USP45: variants seen among roughly 807,000 people sequenced by gnomAD.
USP45 encodes the protein ubiquitin specific peptidase 45.
A neutral mutation model predicts 95.8 loss-of-function variants in USP45; 89 were observed. That is an observed-to-expected ratio of 0.93 (90% confidence interval 0.78 to 1.11). The LOEUF is 1.11. Ranked by LOEUF, USP45 falls within the 50% of genes least tolerant of loss-of-function variation. USP45 has a pLI of 0.00. For synonymous variants in USP45, 281 were observed against 316.2 expected, an observed-to-expected ratio of 0.89 and a Z score of 1.18; for missense variants, 898 against 942.5, an observed-to-expected ratio of 0.95 and a Z score of 0.62.
At chr6:99,501,432 C>T (rs1583422768) in intron 5 of USP45, among the ~76,000 whole-genome samples, 1 of 152,306 alleles carries the variant, frequency 6.6e-6, no homozygotes, top group East Asian at 1.9e-4. Context: ...CTCGTAACTT[C>T]ATCTCTTTGC....
intron 5 of USP45, among the ~76,000 whole-genome samples, chr6:99,494,925 T>C (rs1287524861): frequency 6.6e-6 from 1 of 151,916 alleles, no homozygotes; most frequent in Non-Finnish European, 1.5e-5. Context: ...TTCAAGGATA[T>C]TAAATCATAA....
chr6:99,464,825 C>A, intron 12 of USP45, 78 bp from the exon 13 acceptor site: 1 of 1,434,656 alleles, frequency 7.0e-7, no homozygotes, highest in Non-Finnish European at 9.3e-7. Context: ...AAATTTTTGA[C>A]TGACTTGAAA....
At chr6:99,506,989 T>G (rs1798670741) in intron 4 of USP45, among the ~76,000 whole-genome samples, 2 of 152,226 alleles carry the variant, frequency 1.3e-5, no homozygotes, top group South Asian at 2.1e-4. Context: ...GCATATTGCC[T>G]GAGCTCAGGA....
rs1246429197 is a variant in USP45, at chr6:99,451,074, T to A, written c.1309-4611A>T. ...CTATCTATGACAAACCCACAGCCAA[T>A]ATCATACTGAATGGGCAAAAACTGG... is the stretch of plus-strand genomic sequence containing the variant. On this transcript the variant is annotated intron_variant, in intron 13 of 17. Coordinates refer to ENST00000500704, the MANE Select transcript of USP45 (RefSeq NM_001346022.3). Among the ~76,000 whole-genome samples the A allele has an allele frequency of 2.6e-5, 4 of 152,264 alleles. No homozygotes were observed. In the East Asian group the frequency reaches 7.7e-4, roughly 29 times the overall value.
At chr6:99,437,164 T>C in intron 17 of USP45, 82 bp downstream of exon 17, 1 of 1,400,574 alleles carries the variant, frequency 7.1e-7, no homozygotes, top group Admixed American at 2.3e-5. Context: ...GAGGCATCTA[T>C]GAAATAATAA....
At chr6:99,469,749 C>G (rs1344182303) in intron 9 of USP45, among the ~76,000 whole-genome samples, 1 of 151,792 alleles carries the variant, frequency 6.6e-6, no homozygotes, top group Non-Finnish European at 1.5e-5. Context: ...TCCCAAAGTG[C>G]TGGAATTACA....
chr6:99,486,360 C>T (rs749288940), intron 7 of USP45, among the ~76,000 whole-genome samples: 21 of 152,088 alleles, frequency 1.4e-4, no homozygotes, highest in Non-Finnish European at 2.6e-4. Context: ...TCCTGAAACA[C>T]AGCTCTGCAT....
At chr6:99,462,289 G>A (rs1786658145) in intron 13 of USP45, 14 of 985,010 alleles carry the variant, frequency 1.4e-5, no homozygotes, top group Non-Finnish European at 1.6e-5. Flanking sequence ...TTGAGGTACA[G>A]TTTCTATATA....
At chr6:99,451,119 T>C (rs1222656674) in intron 13 of USP45, among the ~76,000 whole-genome samples, 1 of 152,280 alleles carries the variant, frequency 6.6e-6, no homozygotes, top group Admixed American at 6.5e-5. Flanking sequence ...CTTTGAAAAC[T>C]GGCACAAGAC....
rs1213952053 is a variant in USP45 at position 99,488,091 on chromosome 6, G to A, written c.714+109C>T. 36 of 666,086 alleles carry A rather than the reference G, an allele frequency of 5.4e-5. No individual in the cohort carries two copies. The Admixed American group carries it at 1.2e-3, about 22-fold the overall frequency. The allele number at this position is 666,086 out of a possible 1,614,324, so 41.3% of individuals were successfully genotyped here. On this transcript the variant is annotated intron_variant, in intron 7 of 17. Transcript: ENST00000500704. ...CAGAATGCTTTTAAATTATTTTTAA[G>A]CCCCCTGGCTACTATCTTAGTTGAC...
At chr6:99,497,046 T>C (rs1272882705) in intron 5 of USP45, among the ~76,000 whole-genome samples, 1 of 152,110 alleles carries the variant, frequency 6.6e-6, no homozygotes. Flanking sequence ...TACAGAGTAG[T>C]TTTATTGCCC....
intron 9 of USP45, among the ~76,000 whole-genome samples, chr6:99,475,876 G>C (rs532386421): frequency 2.6e-5 from 4 of 152,196 alleles, no homozygotes; most frequent in South Asian, 4.1e-4. Flanking sequence ...GGCTGGAGTA[G>C]TGCAGTAGCG....
In USP45 at chr6:99,507,476, C is replaced by G. The variant is rs1562453373; in HGVS notation, c.329G>C (p.Arg110Thr). The change falls in exon 4 of 18, where the codon AGA becomes ACA. Residue 110 changes from arginine (R) to threonine (T), a missense_variant. By Grantham distance (71) the Arg-to-Thr change is moderately conservative. Coordinates refer to ENST00000500704, the MANE Select transcript of USP45 (RefSeq NM_001346022.3). Reference protein sequence around the residue: ...QHSLKHFKSSRTEPHCIIINL... With the variant: ...QHSLKHFKSSTTEPHCIIINL... ...AATTATAATACAATGGGGCTCTGTT[C>G]TGGAACTCTTAAAGTGCTTCAATGA... The G allele has an allele frequency of 6.2e-7, 1 of 1,613,242 alleles. No individual in the cohort carries two copies. Among genetic ancestry groups the G allele is most frequent in the Admixed American group, 1.7e-5 (1 of 59,920 alleles).
intron 12 of USP45, 58 bp from the exon 13 acceptor site, chr6:99,464,805 C>T (rs1209667167): frequency 6.7e-7 from 1 of 1,487,704 alleles, no homozygotes; most frequent in Non-Finnish European, 8.9e-7. Context: ...TTCTGGATGT[C>T]CTCATCTTAA....
At chr6:99,443,477 T>C in intron 15 of USP45, 88 bp downstream of exon 15, 1 of 811,236 alleles carries the variant, frequency 1.2e-6, no homozygotes, top group Non-Finnish European at 1.9e-6. Context: ...AAGTTACTGG[T>C]TATTGTCTAA....
At position 99,450,576 on chromosome 6, in the gene USP45, C is replaced by T. The variant is rs182141644; in HGVS notation, c.1309-4113G>A. On this transcript the variant is annotated intron_variant, in intron 13 of 17. Coordinates refer to ENST00000500704, the MANE Select transcript of USP45 (RefSeq NM_001346022.3). Reference sequence around the variant, plus strand: ...CAATCAAAAAAAGTTGAGGACCAGACGGATTCACAGCCGAATTCTACCAGA... The same window carrying T: ...CAATCAAAAAAAGTTGAGGACCAGATGGATTCACAGCCGAATTCTACCAGA... Among the ~76,000 whole-genome samples the T allele has an allele frequency of 5.6e-4, 85 of 152,200 alleles. 1 individual carries two copies. The highest frequency in any genetic ancestry group is 1.9e-3 in the African/African-American group (77 of 41,564).
chr6:99,493,242 T>G (rs1248782418), intron 5 of USP45, among the ~76,000 whole-genome samples: 2 of 152,114 alleles, frequency 1.3e-5, no homozygotes, highest in Non-Finnish European at 2.9e-5. Context: ...GCCAGGCTGG[T>G]CTTGAACTCC....
chr6:99,461,010 G>A (rs1786312490), intron 13 of USP45: 4 of 985,196 alleles, frequency 4.1e-6, no homozygotes, highest in Non-Finnish European at 4.8e-6. Flanking sequence ...GCAAAACGCT[G>A]CGCAGCTAAC....
chr6:99,483,652 C>T (rs1792978909), intron 7 of USP45, among the ~76,000 whole-genome samples: 1 of 151,478 alleles, frequency 6.6e-6, no homozygotes, highest in Non-Finnish European at 1.5e-5. Flanking sequence ...TCCTGGCTAA[C>T]AAGGTGAAAC....
Sources: allele counts gnomAD v4.1 joint callset (sites outside exome capture counted in the v4.1 genomes callset), GRCh38; gene constraint gnomAD v4.1.1; transcripts MANE v1.5; gene names NCBI Gene and HGNC (gene_info 2026-07-23, HGNC 2026-07-21).